The following VDAC1 variants were observed in gnomAD, a reference collection of about 807,000 sequenced individuals.
VDAC1 encodes non-selective voltage-gated ion channel VDAC1.
A neutral mutation model predicts 34.7 loss-of-function variants in VDAC1; 10 were observed. The observed-to-expected ratio is 0.29, with a 90% CI of 0.18 to 0.49. The LOEUF (loss-of-function observed/expected upper bound fraction) is 0.49, where lower values mean the gene tolerates loss of function less well. Ranked by LOEUF, VDAC1 falls within the 20% of genes least tolerant of loss-of-function variation. VDAC1 has a pLI of 0.99. For synonymous variants in VDAC1, 130 were observed against 136.0 expected, an observed-to-expected ratio of 0.96 and a Z score of 0.30; for missense variants, 230 against 347.9, an observed-to-expected ratio of 0.66 and a Z score of 2.69.
At chr5:134,113,663 C>A in the VDAC1 span, among the ~76,000 whole-genome samples, 1 of 152,274 alleles carries the variant, frequency 6.6e-6, no homozygotes, top group Non-Finnish European at 1.5e-5. Flanking sequence ...TTTGTAGATG[C>A]AGGGGCTGAG....
chr5:134,075,837 A>C, the VDAC1 span, among the ~76,000 whole-genome samples: 18 of 152,156 alleles, frequency 1.2e-4, no homozygotes, highest in African/African-American at 3.4e-4. Flanking sequence ...CGCCCGCCTC[A>C]GCCTCCCAAA....
At chr5:134,028,515 T>C in the VDAC1 span, among the ~76,000 whole-genome samples, 2 of 152,224 alleles carry the variant, frequency 1.3e-5, no homozygotes, top group African/African-American at 4.8e-5. Flanking sequence ...CAGTGTTCAA[T>C]GTTTCATTGC....
the VDAC1 span, among the ~76,000 whole-genome samples, chr5:134,110,985 G>A: frequency 3.3e-5 from 5 of 152,204 alleles, no homozygotes; most frequent in Admixed American, 6.5e-5. Context: ...AAAATATCTC[G>A]TTCAAGAGCA....
chr5:134,004,617 G>A (rs1452250704), intron 1 of VDAC1: 1 of 151,852 alleles, frequency 6.6e-6, no homozygotes, highest in Non-Finnish European at 1.5e-5. Flanking sequence ...AGGGCGCAAG[G>A]AAGCCGGGGT....
intron 5 of VDAC1, among the ~76,000 whole-genome samples, chr5:133,987,607 G>A (rs1752955454): frequency 6.6e-6 from 1 of 152,180 alleles, no homozygotes; most frequent in South Asian, 2.1e-4. Context: ...GATCCCAGGA[G>A]GCAGAGGTTG....
At chr5:133,993,103 G>A in intron 1 of VDAC1, 85 bp from the exon 2 acceptor site, 1 of 1,380,220 alleles carries the variant, frequency 7.2e-7, no homozygotes, top group Non-Finnish European at 9.9e-7. Flanking sequence ...GATGTAATTA[G>A]CAACCAATAA....
chr5:134,100,895 G>A, the VDAC1 span, among the ~76,000 whole-genome samples: 1 of 152,278 alleles, frequency 6.6e-6, no homozygotes, highest in Non-Finnish European at 1.5e-5. Context: ...ATTCATCCCA[G>A]GGGCAGAGCT....
At chr5:134,045,998 T>C in the VDAC1 span, among the ~76,000 whole-genome samples, 1 of 151,436 alleles carries the variant, frequency 6.6e-6, no homozygotes, top group Non-Finnish European at 1.5e-5. Flanking sequence ...CTTCTTTTTT[T>C]TTTTTTCCAT....
chr5:133,971,925 ATATTT>A lies in VDAC1; in HGVS notation c.*841_*845del, dbSNP rs1408588583. On this transcript the variant is annotated 3_prime_UTR_variant, in exon 9 of 9. Coordinates refer to ENST00000265333, the MANE Select transcript of VDAC1 (RefSeq NM_003374.3). ...ACAACAGAAGAAGGATGAGGTTTCA[ATATTT>A]TATTCAAGTTTTTTAAGTGTTGTTA... The A allele has an allele frequency of 6.5e-6, 1 of 152,694 alleles. No homozygotes were observed. The highest frequency in any genetic ancestry group is 2.4e-5 in the African/African-American group (1 of 41,464). 9.5% of individuals were successfully genotyped at this position (152,694 alleles called of 1,614,324 possible). A position where few individuals can be genotyped will look rare whatever the true frequency, so the allele number is the denominator to read the frequency against.
chr5:134,077,665 G>T, the VDAC1 span, among the ~76,000 whole-genome samples: 3 of 152,208 alleles, frequency 2.0e-5, no homozygotes, highest in African/African-American at 4.8e-5. Context: ...TATGAGGCAG[G>T]TACTTTCCAT....
the VDAC1 span, among the ~76,000 whole-genome samples, chr5:134,105,896 G>C: frequency 6.6e-6 from 1 of 152,262 alleles, no homozygotes; most frequent in Non-Finnish European, 1.5e-5. Flanking sequence ...GGAGGGAACA[G>C]GGCTGCAGTT....
chr5:134,095,900 T>C, the VDAC1 span, among the ~76,000 whole-genome samples: 1 of 152,292 alleles, frequency 6.6e-6, no homozygotes, highest in Admixed American at 6.5e-5. Flanking sequence ...CTGCAGAAAG[T>C]TCTGGAGGAA....
chr5:133,973,271 G>A (rs1752364914), intron 8 of VDAC1, among the ~76,000 whole-genome samples: 1 of 152,194 alleles, frequency 6.6e-6, no homozygotes, highest in South Asian at 2.1e-4. Context: ...TAGTGTGCAT[G>A]TACATCCACA....
chr5:134,055,588 G>GTTTTTGTTTTTTTTTTGTT, the VDAC1 span, among the ~76,000 whole-genome samples: 2 of 59,616 alleles, frequency 3.4e-5, no homozygotes, highest in African/African-American at 1.4e-4. Flanking sequence ...CCCCGCTAAT[G>GTTTTTGTTTTTTTTTTGTT]TTTTTTTTTT....
chr5:134,111,441 T>C, the VDAC1 span, among the ~76,000 whole-genome samples: 8 of 152,144 alleles, frequency 5.3e-5, no homozygotes, highest in African/African-American at 9.7e-5. Flanking sequence ...CCACAGCAGA[T>C]TGCACTCACT....
the VDAC1 span, among the ~76,000 whole-genome samples, chr5:134,113,507 A>T: frequency 6.6e-6 from 1 of 152,304 alleles, no homozygotes; most frequent in East Asian, 1.9e-4. Context: ...CCTCAGAGGG[A>T]GAGGCGTCCA....
the VDAC1 span, among the ~76,000 whole-genome samples, chr5:134,092,911 G>A: frequency 2.3e-4 from 35 of 152,176 alleles, no homozygotes; most frequent in Non-Finnish European, 4.3e-4. Flanking sequence ...AGAGACCAGC[G>A]GAGCTGCTAG....
intron 5 of VDAC1, among the ~76,000 whole-genome samples, chr5:133,983,189 C>T (rs1752766906): frequency 6.7e-6 from 1 of 149,264 alleles, no homozygotes; most frequent in African/African-American, 2.5e-5. Context: ...GCGGAGGCTG[C>T]GTGAGCTGAG....
chr5:133,990,231 C>G (rs554341722), intron 5 of VDAC1, among the ~76,000 whole-genome samples: 1 of 152,342 alleles, frequency 6.6e-6, no homozygotes, highest in East Asian at 1.9e-4. Context: ...TCAGGAGCCA[C>G]CTTGCAGTTA....
Sources: allele counts gnomAD v4.1 joint callset (sites outside exome capture counted in the v4.1 genomes callset), GRCh38; gene constraint gnomAD v4.1.1; transcripts MANE v1.5; gene names NCBI Gene and HGNC (gene_info 2026-07-23, HGNC 2026-07-21).